The following HIKESHI variants were observed in gnomAD, a reference collection of about 807,000 sequenced individuals.
HIKESHI encodes protein Hikeshi.
In HIKESHI, 13 loss-of-function variants were observed where a neutral mutation model predicts 25.7. The ratio of observed to expected loss-of-function variants is 0.51; its 90% CI spans 0.33 to 0.80. HIKESHI has a LOEUF of 0.80. Ranked by LOEUF, HIKESHI falls within the 30% of genes least tolerant of loss-of-function variation. The probability of loss-of-function intolerance (pLI) is 0.02; values close to 1 mark genes in which losing one functional copy is unlikely to be tolerated. For missense variants in HIKESHI, 174 were observed against 229.5 expected (o/e 0.76, Z 1.56); for synonymous variants, 76 against 78.7 (o/e 0.97, Z 0.18).
intron 3 of HIKESHI, among the ~76,000 whole-genome samples, chr11:86,342,537 G>A (rs538778388): frequency 3.4e-5 from 5 of 147,692 alleles, no homozygotes; most frequent in Admixed American, 2.0e-4. Context: ...TGGGGGTCTC[G>A]CTATGTTGCC....
intron 2 of HIKESHI, among the ~76,000 whole-genome samples, chr11:86,310,536 T>G (rs1946808402): frequency 6.6e-6 from 1 of 152,214 alleles, no homozygotes; most frequent in Non-Finnish European, 1.5e-5. Flanking sequence ...CCTCTTTTCC[T>G]AATTGAATAC....
chr11:86,326,874 A>G (rs1277596178), intron 2 of HIKESHI, among the ~76,000 whole-genome samples: 1 of 152,178 alleles, frequency 6.6e-6, no homozygotes, highest in Admixed American at 6.5e-5. Context: ...ATGGATGATC[A>G]TGCTAATGTG....
chr11:86,342,571 C>A (rs1307194304), intron 3 of HIKESHI, among the ~76,000 whole-genome samples: 1 of 151,364 alleles, frequency 6.6e-6, no homozygotes, highest in South Asian at 2.1e-4. Context: ...AACTCCTGGC[C>A]TCAAGCAGAG....
intron 1 of HIKESHI, among the ~76,000 whole-genome samples, chr11:86,303,983 T>C (rs1456252771): frequency 6.6e-6 from 1 of 152,228 alleles, no homozygotes; most frequent in African/African-American, 2.4e-5. Context: ...CCATGCTTTT[T>C]AGGTTATATG....
intron 3 of HIKESHI, among the ~76,000 whole-genome samples, chr11:86,339,298 T>C (rs776958832): frequency 3.3e-5 from 5 of 152,234 alleles, no homozygotes; most frequent in Non-Finnish European, 7.3e-5. Flanking sequence ...TCCGCCTGCC[T>C]TGGCCTCCCA....
rs763156415 is a variant in HIKESHI at position 86,336,941 on chromosome 11, GA to G, written c.269-426del. On this transcript the variant is annotated intron_variant, in intron 2 of 4. Coordinates refer to ENST00000278483, the MANE Select transcript of HIKESHI (RefSeq NM_016401.4). ...ATTGGCATATTCAGAGTTCTGAAAGGAAAAAAAAAAAAGCCATCAACCAGGA... is the reference window on the plus strand; with the variant it reads ...ATTGGCATATTCAGAGTTCTGAAAGGAAAAAAAAAAAGCCATCAACCAGGA... Among the ~76,000 whole-genome samples the G allele has an allele frequency of 6.1e-3, 835 of 136,300 alleles. 4 individuals carry two copies. The highest frequency in any genetic ancestry group is 6.9e-3 in the East Asian group (33 of 4,770). The allele number at this position is 136,300 out of a possible 152,430, so 89.4% of individuals were successfully genotyped here.
At chr11:86,335,905 A>T (rs1947543581) in intron 2 of HIKESHI, among the ~76,000 whole-genome samples, 4 of 152,236 alleles carry the variant, frequency 2.6e-5, no homozygotes. Context: ...GAAACAAAGT[A>T]AGGCTCTTAT....
intron 3 of HIKESHI, 101 bp downstream of exon 3, chr11:86,337,631 T>G (rs1237479229): frequency 2.5e-6 from 3 of 1,193,084 alleles, no homozygotes; most frequent in Non-Finnish European, 3.5e-6. Context: ...AATGTGATGT[T>G]TTTGATACAT....
chr11:86,328,946 A>G (rs1234733817), intron 2 of HIKESHI, among the ~76,000 whole-genome samples: 2 of 151,050 alleles, frequency 1.3e-5, no homozygotes, highest in Non-Finnish European at 2.9e-5. Context: ...ACACACACAC[A>G]CGCTCCTCAC....
At chr11:86,305,188 T>G (rs1418797695) in intron 1 of HIKESHI, among the ~76,000 whole-genome samples, 1 of 149,904 alleles carries the variant, frequency 6.7e-6, no homozygotes, top group East Asian at 2.0e-4. Flanking sequence ...TTTGTAGAGA[T>G]CGGATTTTGC....
At chr11:86,316,317 G>C (rs1946976789) in intron 2 of HIKESHI, among the ~76,000 whole-genome samples, 1 of 150,830 alleles carries the variant, frequency 6.6e-6, no homozygotes, top group South Asian at 2.1e-4. Flanking sequence ...TTCAAGACCA[G>C]CCTGGCCAAC....
intron 3 of HIKESHI, among the ~76,000 whole-genome samples, chr11:86,337,940 G>C (rs1488522269): frequency 1.3e-5 from 2 of 152,104 alleles, no homozygotes; most frequent in Non-Finnish European, 2.9e-5. Context: ...TGGGATTACA[G>C]GTGTGAGCCA....
intron 2 of HIKESHI, among the ~76,000 whole-genome samples, chr11:86,336,055 T>C (rs1182315615): frequency 6.6e-6 from 1 of 152,164 alleles, no homozygotes; most frequent in Non-Finnish European, 1.5e-5. Context: ...ATAGAAATTA[T>C]AGAAAGGAAC....
chr11:86,305,543 C>T (rs543684937), intron 1 of HIKESHI, among the ~76,000 whole-genome samples: 3 of 151,622 alleles, frequency 2.0e-5, no homozygotes, highest in East Asian at 1.9e-4. Flanking sequence ...CGTGCCACCA[C>T]GCTTGGCTAA....
chr11:86,319,397 C>T (rs776794969), intron 2 of HIKESHI, among the ~76,000 whole-genome samples: 4 of 149,850 alleles, frequency 2.7e-5, no homozygotes, highest in African/African-American at 4.9e-5. Context: ...ATCACCACAC[C>T]TGGCTAATTT....
intron 3 of HIKESHI, among the ~76,000 whole-genome samples, chr11:86,339,340 G>A (rs1043224107): frequency 6.6e-6 from 1 of 152,092 alleles, no homozygotes; most frequent in South Asian, 2.1e-4. Flanking sequence ...GAGCCACCGC[G>A]CCCAGCCTGT....
Position 86,302,346 on chromosome 11 carries a change from C to G in HIKESHI, c.-103C>G, listed in dbSNP as rs933799722. 6.9e-7 allele frequency: 1 copy of G among 1,450,464 alleles called. No individual in the cohort carries two copies. Among genetic ancestry groups the G allele is most frequent in the Non-Finnish European group, 9.4e-7 (1 of 1,062,182 alleles). The allele number at this position is 1,450,464 out of a possible 1,614,324, so 89.8% of individuals were successfully genotyped here. Reference sequence around the variant, plus strand: ...TATGTAGTGGAGGGGCAGACACCCTCCCGCAAATTCTGGAAGGTTCTTAGT... The same window carrying G: ...TATGTAGTGGAGGGGCAGACACCCTGCCGCAAATTCTGGAAGGTTCTTAGT... On this transcript the variant is annotated 5_prime_UTR_variant, in exon 1 of 5. Coordinates refer to ENST00000278483, the MANE Select transcript of HIKESHI (RefSeq NM_016401.4).
chr11:86,302,528 G>A (rs762005587), intron 1 of HIKESHI, 50 bp downstream of exon 1: 8 of 1,536,926 alleles, frequency 5.2e-6, no homozygotes, highest in Non-Finnish European at 7.0e-6. Context: ...TACCGAGGGC[G>A]AAGCCCTACG....
At position 86,306,390 on chromosome 11, in the gene HIKESHI, C is replaced by T. The variant is rs769163297; in HGVS notation, c.176C>T (p.Pro59Leu). Reference sequence around the variant, plus strand: ...GGAGGATCTGTCTACTTTTCTTATCCTGATTCAAATGGAATGCCAGTATGG... The same window carrying T: ...GGAGGATCTGTCTACTTTTCTTATCTTGATTCAAATGGAATGCCAGTATGG... ...GMGGSVYFSYPDSNGMPVWQL... is the reference protein window; with the variant it reads ...GMGGSVYFSYLDSNGMPVWQL... Residue 59 changes from proline (P) to leucine (L), a missense_variant, in exon 2 of 5, where the codon CCT (proline) becomes CTT (leucine). By Grantham distance (98) the Pro-to-Leu change is moderately conservative. Transcript: ENST00000278483. The T allele has an allele frequency of 6.2e-7, 1 of 1,613,972 alleles. No individual in the cohort carries two copies. Among genetic ancestry groups the T allele is most frequent in the South Asian group, 1.1e-5 (1 of 91,084 alleles).
Sources: gnomAD v4.1 joint callset for allele counts (sites outside exome capture counted in the v4.1 genomes callset) on GRCh38, gnomAD v4.1.1 for gene constraint, MANE v1.5 for transcripts, NCBI Gene and HGNC (gene_info 2026-07-23, HGNC 2026-07-21) for gene names.